AKAP4: variants seen among roughly 807,000 people sequenced by gnomAD.
AKAP4 encodes A-kinase anchor protein 4.
In AKAP4, 4 loss-of-function variants were observed where a neutral mutation model predicts 42.6. The ratio of observed to expected loss-of-function variants is 0.09; its 90% CI spans 0.05 to 0.22. The LOEUF is 0.22. Ranked by LOEUF, AKAP4 falls within the 10% of genes least tolerant of loss-of-function variation. The probability of loss-of-function intolerance (pLI) is 1.00; values close to 1 mark genes in which losing one functional copy is unlikely to be tolerated. For synonymous variants in AKAP4, 223 were observed against 233.0 expected, an observed-to-expected ratio of 0.96 and a Z score of 0.39; for missense variants, 551 against 630.7, an observed-to-expected ratio of 0.87 and a Z score of 1.35.
intron 2 of AKAP4, 50 bp from the exon 3 acceptor site, chrX:50,197,644 A>G: frequency 9.3e-7 from 1 of 1,079,020 alleles, no homozygotes; most frequent in Non-Finnish European, 1.3e-6. Context: ...AGAAAGGGGC[A>G]TAATTTCTCT....
At chrX:50,195,026 CAT>C (rs1406746335) in intron 4 of AKAP4, among the ~76,000 whole-genome samples, 2 of 111,850 alleles carry the variant, frequency 1.8e-5, no homozygotes, top group African/African-American at 3.2e-5. Flanking sequence ...CAGTAATCTG[CAT>C]ATATGTGTGT....
At position 50,193,420 on chromosome X, in the gene AKAP4, G is replaced by A; in HGVS notation, c.1293C>T (p.Val431=). 8.3e-7 allele frequency: 1 copy of A among 1,211,811 alleles called. No homozygotes were observed. The highest frequency in any genetic ancestry group is 1.1e-6 in the Non-Finnish European group (1 of 895,565). ...CCTTCTCCTCACCTATAAGGGCACT[G>A]ACCAAGCGCTTCAGCATGGCCTCCA... The part of the protein sequence containing the change: ...DIMEAMLKRL[V]SALIGEEKET... The change falls in exon 5 of 6, where the codon GTC becomes GTT. Residue 431 remains valine (V), a synonymous_variant. Coordinates refer to ENST00000358526, the MANE Select transcript of AKAP4 (RefSeq NM_003886.3).
Position 50,200,127 on chromosome X carries a change from A to T in AKAP4, c.27+736T>A, listed in dbSNP as rs1935244698. On this transcript the variant is annotated intron_variant, in intron 1 of 5. Transcript: ENST00000358526. ...AGAGCTACATAGGGAACACTAGCCT[A>T]GTAAAAAAAGAGGTGGAGGCATAGA... 12 of 549,014 alleles carry T rather than the reference A, an allele frequency of 2.2e-5. No individual in the cohort carries two copies. The South Asian group carries it at 8.8e-4, about 40-fold the overall frequency. The allele number at this position is 549,014 out of a possible 1,213,427, so 45.2% of individuals were successfully genotyped here.
intron 1 of AKAP4, 93 bp downstream of exon 1, chrX:50,200,770 A>G: frequency 2.4e-6 from 2 of 846,517 alleles, no homozygotes; most frequent in South Asian, 4.6e-5. Flanking sequence ...GTATGAAAAT[A>G]GAAACTTGGA....
At chrX:50,198,614 C>T (rs1557204579) in intron 2 of AKAP4, 43 bp downstream of exon 2, 2 of 1,063,095 alleles carry the variant, frequency 1.9e-6, no homozygotes, top group Admixed American at 2.2e-5. Context: ...TACCCATATG[C>T]CAATTTTTCC....
At chrX:50,191,663 A>T (rs868979158) in intron 5 of AKAP4, among the ~76,000 whole-genome samples, 102 of 21,533 alleles carry the variant, frequency 4.7e-3, no homozygotes, top group African/African-American at 0.015. Context: ...TGTGTGTGAG[A>T]GAGAGAAAGA....
chrX:50,194,347 G>A lies in AKAP4; in HGVS notation c.366C>T (p.Ala122=). The change falls in exon 5 of 6, where the codon GCC becomes GCT. Residue 122 remains alanine, a synonymous_variant. Coordinates refer to ENST00000358526, the MANE Select transcript of AKAP4 (RefSeq NM_003886.3). ...GGCTCAGTGCATGTTGGAAACCCAA[G>A]GCATACTTCTGGAGATCACTGAGAA... ...NWLLSDLQKY[A]LGFQHALSPS... 1 of 1,209,440 alleles carries A rather than the reference G, an allele frequency of 8.3e-7. No homozygotes were observed. Among genetic ancestry groups the A allele is most frequent in the Non-Finnish European group, 1.1e-6 (1 of 894,832 alleles).
intron 2 of AKAP4, among the ~76,000 whole-genome samples, 188 bp from the exon 3 acceptor site, chrX:50,197,782 G>A (rs976142338): frequency 8.9e-6 from 1 of 111,866 alleles, no homozygotes; most frequent in African/African-American, 3.3e-5. Context: ...TTAATACTGT[G>A]ATTATTGTTA....
chrX:50,190,912 A>G lies in AKAP4; in HGVS notation c.*48T>C, dbSNP rs1557203503. 8.3e-7 allele frequency: 1 copy of G among 1,200,210 alleles called. No homozygotes were observed. ...TGATGGTGGGGGTGCTCTGGCTGGG[A>G]TGGAATGCTGCTAGGGGGGCTAAGA... is the stretch of plus-strand genomic sequence containing the variant. On this transcript the variant is annotated 3_prime_UTR_variant, in exon 6 of 6. Transcript: ENST00000358526.
intron 4 of AKAP4, among the ~76,000 whole-genome samples, chrX:50,196,316 G>C (rs149778409): frequency 0.011 from 1,243 of 111,609 alleles, 17 homozygotes; most frequent in African/African-American, 0.039. Flanking sequence ...CAGGCTTGTA[G>C]GTATGAGAGG....
In AKAP4 at chrX:50,190,848, A is replaced by G; in HGVS notation, c.*112T>C. 1 of 896,173 alleles carries G rather than the reference A, an allele frequency of 1.1e-6. No homozygotes were observed. 73.9% of individuals were successfully genotyped at this position (896,173 alleles called of 1,213,427 possible). On this transcript the variant is annotated 3_prime_UTR_variant, in exon 6 of 6. Coordinates refer to ENST00000358526, the MANE Select transcript of AKAP4 (RefSeq NM_003886.3). ...CATTCACAGGCAACTGCTCAAGTGT[A>G]TTGGGAAATACAGTTGTGTATTGTG...
Position 50,193,692 on chromosome X carries a change from C to T in AKAP4, c.1021G>A (p.Ala341Thr). The T allele has an allele frequency of 8.3e-7, 1 of 1,211,566 alleles. No homozygotes were observed. Among genetic ancestry groups the T allele is most frequent in the Non-Finnish European group, 1.1e-6 (1 of 895,411 alleles). The change falls in exon 5 of 6, where the codon GCA becomes ACA. Residue 341 changes from alanine (A) to threonine (T), a missense_variant. Transcript: ENST00000358526. ...KGLMVYANQV[A>T]SDMMVSLMKT... is the part of the protein sequence containing the mutation. ...ATGAGAGAGACCATCATGTCAGATG[C>T]CACCTGATTTGCATAAACCATGAGC...
In AKAP4 at chrX:50,193,363, A is replaced by G; in HGVS notation, c.1350T>C (p.Ser450=). Residue 450 remains serine (S), a synonymous_variant, in exon 5 of 6, where the codon TCT becomes TCC. Coordinates refer to ENST00000358526, the MANE Select transcript of AKAP4 (RefSeq NM_003886.3). ...TGGGATCATGGGACCCAGCTTTTAAAGATGCATATGACAGACTCTGAGACT... is the reference window on the plus strand; with the variant it reads ...TGGGATCATGGGACCCAGCTTTTAAGGATGCATATGACAGACTCTGAGACT... ...ETKSQSLSYA[S]LKAGSHDPKC... 1.7e-6 allele frequency: 2 copies of G among 1,211,676 alleles called. No homozygotes were observed. The highest frequency in any genetic ancestry group is 4.3e-5 in the Admixed American group (2 of 46,011).
rs1170860278 is a variant in AKAP4 at position 50,196,782 on chromosome X, GATGAGCCTGTTTGACAGT to G, written c.276+91_276+108del. The G allele has an allele frequency of 2.2e-4, 117 of 543,562 alleles. 1 individual carries two copies. Among genetic ancestry groups the G allele is most frequent in the Non-Finnish European group, 3.2e-4 (104 of 325,043 alleles). The allele number at this position is 543,562 out of a possible 1,213,427, so 44.8% of individuals were successfully genotyped here. A position where few individuals can be genotyped will look rare whatever the true frequency, so the allele number is the denominator to read the frequency against. ...TCTAGAATGTCATAGTATTCAAATTGATGAGCCTGTTTGACAGTAAGTGTCTTACCATGTCTGATCCAG... is the reference window on the plus strand; with the variant it reads ...TCTAGAATGTCATAGTATTCAAATTGAAGTGTCTTACCATGTCTGATCCAG... On this transcript the variant is annotated intron_variant, in intron 4 of 5. Transcript: ENST00000358526.
rs782649504 is a variant in AKAP4 at position 50,192,964 on chromosome X, T to C, written c.1749A>G (p.Gln583=). 2.6e-5 allele frequency: 32 copies of C among 1,210,116 alleles called. No homozygotes were observed. The highest frequency in any genetic ancestry group is 1.2e-4 in the East Asian group (4 of 33,750). The part of the protein sequence containing the change: ...STMGYMAQST[Q]YEKCGGGQSA... The stretch of plus-strand genomic sequence containing the variant: ...TTTGGCCACCTCCACACTTTTCATA[T>C]TGAGTACTCTGAGCCATATAGCCCA... Residue 583 remains glutamine (Q), a synonymous_variant, in exon 5 of 6, where the codon CAA becomes CAG. Coordinates refer to ENST00000358526, the MANE Select transcript of AKAP4 (RefSeq NM_003886.3).
chrX:50,195,489 C>T (rs781786294), intron 4 of AKAP4, among the ~76,000 whole-genome samples: 103 of 111,474 alleles, frequency 9.2e-4, no homozygotes, highest in African/African-American at 3.3e-3. Flanking sequence ...GTGTGTATAC[C>T]AATAACTGAG....
At chrX:50,191,659 T>TGA (rs1227698576) in intron 5 of AKAP4, among the ~76,000 whole-genome samples, 12 of 43,611 alleles carry the variant, frequency 2.8e-4, no homozygotes, top group African/African-American at 8.9e-4. Flanking sequence ...TGTGTGTGTG[T>TGA]GAGAGAGAGA....
chrX:50,192,920 A>C lies in AKAP4; in HGVS notation c.1793T>G (p.Val598Gly), dbSNP rs782467443. Residue 598 changes from valine (V) to glycine (G), a missense_variant, in exon 5 of 6, where the codon GTG becomes GGG. By Grantham distance (109) the Val-to-Gly change is moderately radical. Transcript: ENST00000358526. The stretch of plus-strand genomic sequence containing the variant: ...GGCTCTGTGAGATTCTAGTTGTTTC[A>C]CTGAAAGTGCTTTGGCACTTTGGCC... ...GGGQSAKALS[V>G]KQLESHRAPG... 44 of 1,209,983 alleles carry C rather than the reference A, an allele frequency of 3.6e-5. No homozygotes were observed. In the Admixed American group the frequency reaches 9.4e-4, roughly 26 times the overall value.
At position 50,191,042 on chromosome X, in the gene AKAP4, A is replaced by C; in HGVS notation, c.2483T>G (p.Phe828Cys). The C allele has an allele frequency of 8.3e-7, 1 of 1,211,130 alleles. No homozygotes were observed. Among genetic ancestry groups the C allele is most frequent in the Non-Finnish European group, 1.1e-6 (1 of 895,301 alleles). Residue 828 changes from phenylalanine to cysteine, a missense_variant, in exon 6 of 6, where the codon TTT (phenylalanine) becomes TGT (cysteine). Transcript: ENST00000358526. The part of the protein sequence containing the change: ...VGGLLQEVMK[F>C]AKERQPDEAV... ...TTCATCTGGTTGCCGTTCCTTGGCA[A>C]ACTTCATGACCTCTTGAAGAAGACC...
Sources: gnomAD v4.1 joint callset for allele counts (sites outside exome capture counted in the v4.1 genomes callset) on GRCh38, gnomAD v4.1.1 for gene constraint, MANE v1.5 for transcripts, NCBI Gene and HGNC (gene_info 2026-07-23, HGNC 2026-07-21) for gene names.